Variants in MMP2 observed in about 807,000 individuals in gnomAD.
MMP2 encodes 72 kDa type IV collagenase.
In MMP2, 39 loss-of-function variants were observed where a neutral mutation model predicts 74.8. The ratio of observed to expected loss-of-function variants is 0.52; its 90% CI spans 0.40 to 0.68. The LOEUF is 0.68. MMP2 is among the 30% of genes least tolerant of loss of function. The pLI, the probability that MMP2 is intolerant of heterozygous loss-of-function variation, is 0.00. For synonymous variants in MMP2, 367 were observed against 339.8 expected, an observed-to-expected ratio of 1.08 and a Z score of -0.88; for missense variants, 803 against 878.3, an observed-to-expected ratio of 0.91 and a Z score of 1.08.
chr16:55,501,276 C>T (rs531735774), intron 11 of MMP2, among the ~76,000 whole-genome samples: 2 of 152,306 alleles, frequency 1.3e-5, no homozygotes, highest in East Asian at 3.9e-4. Context: ...CAGAGAAGTA[C>T]CACATCTTCT....
At position 55,479,346 on chromosome 16, in the gene MMP2, C is replaced by A; in HGVS notation, c.-134C>A. ...ACCATGAGCCGCTGAGCCGGGCAAA[C>A]CCCAGGCCACCGAGCCAGCGGACCC... On this transcript the variant is annotated 5_prime_UTR_variant, in exon 1 of 13. Transcript: ENST00000219070. 1 of 1,133,594 alleles carries A rather than the reference C, an allele frequency of 8.8e-7. No homozygotes were observed. Among genetic ancestry groups the A allele is most frequent in the South Asian group, 2.5e-5 (1 of 40,364 alleles). The allele number at this position is 1,133,594 out of a possible 1,614,324, so 70.2% of individuals were successfully genotyped here. A position where few individuals can be genotyped will look rare whatever the true frequency, so the allele number is the denominator to read the frequency against.
intron 1 of MMP2, 59 bp from the exon 2 acceptor site, chr16:55,482,850 G>T: frequency 7.0e-7 from 1 of 1,431,072 alleles, no homozygotes; most frequent in Non-Finnish European, 9.8e-7. Flanking sequence ...AGCCTGCTTT[G>T]GTCAGTACTG....
chr16:55,505,636 G>C lies in MMP2; in HGVS notation c.*194G>C. ...CGGTGCCCAAGAATAGATGCTGACT[G>C]TACTCCTCCCAGGCGCCCCTTCCCC... is the stretch of plus-strand genomic sequence containing the variant. On this transcript the variant is annotated 3_prime_UTR_variant, in exon 13 of 13. Transcript: ENST00000219070. 1.6e-6 allele frequency: 1 copy of C among 622,398 alleles called. No individual in the cohort carries two copies. The highest frequency in any genetic ancestry group is 2.9e-6 in the Non-Finnish European group (1 of 347,434). The allele number at this position is 622,398 out of a possible 1,614,324, so 38.6% of individuals were successfully genotyped here.
chr16:55,497,839 G>A (rs964984677), intron 10 of MMP2, among the ~76,000 whole-genome samples: 7 of 152,180 alleles, frequency 4.6e-5, no homozygotes, highest in Non-Finnish European at 8.8e-5. Context: ...AAGGATTTAG[G>A]AGGTCCCTGT....
chr16:55,480,021 T>A, intron 1 of MMP2: 2 of 241,098 alleles, frequency 8.3e-6, no homozygotes, highest in South Asian at 1.1e-4. Flanking sequence ...TGGACACATC[T>A]GGGCAGTTGC....
intron 5 of MMP2, 125 bp from the exon 6 acceptor site, chr16:55,488,418 G>A (rs1407109443): frequency 2.0e-6 from 2 of 979,192 alleles, no homozygotes; most frequent in Non-Finnish European, 3.1e-6. Context: ...CAGTAGAGAT[G>A]TTTTCTTAAT....
chr16:55,496,999 C>T lies in MMP2; in HGVS notation c.1546C>T (p.Leu516Phe). 1 of 1,614,196 alleles carries T rather than the reference C, an allele frequency of 6.2e-7. No homozygotes were observed. The highest frequency in any genetic ancestry group is 8.5e-7 in the Non-Finnish European group (1 of 1,180,048). ...PLLVATFWPE[L>F]PEKIDAVYEA... ...GCTGGTGGCCACATTCTGGCCTGAG[C>T]TCCCGGAAAAGATTGATGCGGTATA... Residue 516 changes from leucine (L) to phenylalanine (F), a missense_variant, in exon 10 of 13, where the codon CTC (leucine) becomes TTC (phenylalanine). Around this residue, in one of 3 missense-constraint regions of MMP2, gnomAD observed 555 missense variants for 592.0 expected, o/e 0.94. Transcript: ENST00000219070.
chr16:55,488,816 C>G, intron 6 of MMP2, 100 bp downstream of exon 6: 1 of 1,278,934 alleles, frequency 7.8e-7, no homozygotes, highest in Non-Finnish European at 1.1e-6. Flanking sequence ...TTCCCCAAGA[C>G]AGGGGTGCTA....
rs966407548 is a variant in MMP2 at position 55,485,616 on chromosome 16, A to G, written c.671A>G (p.Lys224Arg). 6.2e-7 allele frequency: 1 copy of G among 1,614,110 alleles called. No homozygotes were observed. Among genetic ancestry groups the G allele is most frequent in the Non-Finnish European group, 8.5e-7 (1 of 1,180,004 alleles). Residue 224 changes from lysine to arginine, a missense_variant, in exon 5 of 13, where the codon AAG becomes AGG. By Grantham distance (26) the Lys-to-Arg change is conservative. Around this residue, in one of 3 missense-constraint regions of MMP2, gnomAD observed 555 missense variants for 592.0 expected, o/e 0.94. Coordinates refer to ENST00000219070, the MANE Select transcript of MMP2 (RefSeq NM_004530.6). The stretch of plus-strand genomic sequence containing the variant: ...TGTCACTCTTTAGTGGTCCGTGTGA[A>G]GTATGGGAACGCCGATGGGGAGTAC... Reference protein sequence around the residue: ...TLGEGQVVRVKYGNADGEYCK... With the variant: ...TLGEGQVVRVRYGNADGEYCK...
At chr16:55,487,000 A>G (rs1962276296) in intron 5 of MMP2, 1 of 152,236 alleles carries the variant, frequency 6.6e-6, no homozygotes, top group Non-Finnish European at 1.5e-5. Context: ...GCCATTCACC[A>G]TTAATAAGTC....
chr16:55,499,889 A>G (rs2142370012), intron 11 of MMP2, among the ~76,000 whole-genome samples: 1 of 151,764 alleles, frequency 6.6e-6, no homozygotes, highest in Admixed American at 6.6e-5. Flanking sequence ...CATTCCTTCC[A>G]TGGCTGCCAC....
In MMP2 at chr16:55,485,680, C is replaced by T; in HGVS notation, c.735C>T (p.Asn245=). ...TCTTGTTCAATGGCAAGGAGTACAA[C>T]AGCTGCACTGATACCGGCCGCAGCG... ...FPFLFNGKEY[N]SCTDTGRSDG... is the part of the protein sequence containing the mutation. Residue 245 remains asparagine, a synonymous_variant, in exon 5 of 13, where the codon AAC becomes AAT. Transcript: ENST00000219070. The T allele has an allele frequency of 1.2e-6, 2 of 1,614,134 alleles. No individual in the cohort carries two copies. Among genetic ancestry groups the T allele is most frequent in the Non-Finnish European group, 1.7e-6 (2 of 1,180,012 alleles).
intron 9 of MMP2, among the ~76,000 whole-genome samples, chr16:55,494,929 C>T (rs17859959): frequency 0.011 from 1,683 of 152,276 alleles, 23 homozygotes; most frequent in African/African-American, 0.034. Context: ...ACCTGCAGAG[C>T]CAAGCCATAG....
chr16:55,490,658 G>C (rs1233732777), intron 7 of MMP2, among the ~76,000 whole-genome samples: 2 of 152,204 alleles, frequency 1.3e-5, no homozygotes, highest in Non-Finnish European at 2.9e-5. Flanking sequence ...AGGCAAGCCT[G>C]TCTTTATGTT....
At chr16:55,479,930 A>C (rs982323297) in intron 1 of MMP2, 20 of 269,030 alleles carry the variant, frequency 7.4e-5, no homozygotes, top group Non-Finnish European at 1.2e-4. Context: ...CTGGAAAGGG[A>C]CTCTTATGTA....
chr16:55,495,525 G>T (rs182283334), intron 9 of MMP2, among the ~76,000 whole-genome samples: 1 of 152,348 alleles, frequency 6.6e-6, no homozygotes, highest in East Asian at 1.9e-4. Context: ...TTTGGAGTCA[G>T]ATCTGGATAT....
At chr16:55,496,815 C>T (rs924420826) in intron 9 of MMP2, 111 bp from the exon 10 acceptor site, 7 of 1,446,992 alleles carry the variant, frequency 4.8e-6, no homozygotes, top group Non-Finnish European at 6.7e-6. Flanking sequence ...CCTCCCACTC[C>T]CATCATGGAA....
In MMP2 at chr16:55,484,134, G is replaced by T; in HGVS notation, c.499G>T (p.Ala167Ser). ...GTTTTCTCGAATCCATGATGGAGAG[G>T]CAGACATCATGATCAACTTTGGCCG... is the stretch of plus-strand genomic sequence containing the variant. ...LRFSRIHDGEADIMINFGRWE... is the reference protein window; with the variant it reads ...LRFSRIHDGESDIMINFGRWE... The change falls in exon 3 of 13, where the codon GCA becomes TCA. Residue 167 changes from alanine (A) to serine (S), a missense_variant. Physicochemically the swap from Ala to Ser is moderately conservative, Grantham distance 99. Transcript: ENST00000219070. 6.2e-7 allele frequency: 1 copy of T among 1,614,200 alleles called. No individual in the cohort carries two copies.
chr16:55,498,006 G>T lies in MMP2; in HGVS notation c.1610-283G>T, dbSNP rs193120644. Among the ~76,000 whole-genome samples the T allele has an allele frequency of 4.0e-3, 606 of 152,316 alleles. 19 individuals carry two copies. Among genetic ancestry groups the T allele is most frequent in the Non-Finnish European group, 1.0e-3 (70 of 68,014 alleles). Reference sequence around the variant, plus strand: ...ACCTTTTTGCAAATTAGCAAAAGGTGCCTCTTTATGACAGCAAGGCCCTTA... The same window carrying T: ...ACCTTTTTGCAAATTAGCAAAAGGTTCCTCTTTATGACAGCAAGGCCCTTA... On this transcript the variant is annotated intron_variant, in intron 10 of 12. Transcript: ENST00000219070.
Sources: allele counts gnomAD v4.1 joint callset (sites outside exome capture counted in the v4.1 genomes callset), GRCh38; gene constraint gnomAD v4.1.1; regional missense constraint gnomAD v4.1.1; transcripts MANE v1.5; gene names NCBI Gene and HGNC (gene_info 2026-07-23, HGNC 2026-07-21).